Variants in CLHC1 observed in about 807,000 individuals in gnomAD.
CLHC1 encodes clathrin heavy chain linker domain-containing protein 1.
Under a neutral mutation model 69.5 loss-of-function variants are expected in CLHC1, and 72 were observed. The ratio of observed to expected loss-of-function variants is 1.04; its 90% confidence interval spans 0.86 to 1.26. The LOEUF (loss-of-function observed/expected upper bound fraction) is 1.26, where lower values mean the gene tolerates loss of function less well. Among genes scored for constraint, CLHC1 ranks in the 50% most tolerant of loss-of-function variants. The pLI, the probability that CLHC1 is intolerant of heterozygous loss-of-function variation, is 0.00. For synonymous variants in CLHC1, 223 were observed against 224.3 expected, an observed-to-expected ratio of 0.99 and a Z score of 0.05; for missense variants, 790 against 679.3, an observed-to-expected ratio of 1.16 and a Z score of -1.81.
chr2:55,173,608 T>G lies in CLHC1; in HGVS notation c.*2182A>C, dbSNP rs1669138462. ...TGGTCTAGAATGCAGGTTTCTGTGC[T>G]GAGGCCCAGATTATACCTCCTTCAG... is the stretch of plus-strand genomic sequence containing the variant. On this transcript the variant is annotated 3_prime_UTR_variant, in exon 13 of 13. Coordinates refer to ENST00000401408, the MANE Select transcript of CLHC1 (RefSeq NM_152385.4). Among the ~76,000 whole-genome samples, 1 of 152,230 alleles carries G rather than the reference T, an allele frequency of 6.6e-6. No homozygotes were observed. Among genetic ancestry groups the G allele is most frequent in the African/African-American group, 2.4e-5 (1 of 41,460 alleles).
intron 8 of CLHC1, among the ~76,000 whole-genome samples, chr2:55,208,011 G>A (rs1672611811): frequency 1.3e-5 from 2 of 152,132 alleles, no homozygotes; most frequent in South Asian, 4.1e-4. Context: ...GTATTAGGGA[G>A]AAATATGCCT....
At chr2:55,197,001 T>C (rs1451689831) in intron 9 of CLHC1, among the ~76,000 whole-genome samples, 2 of 152,124 alleles carry the variant, frequency 1.3e-5, no homozygotes, top group African/African-American at 4.8e-5. Flanking sequence ...CTGGTAGCAT[T>C]CACCACTAGC....
At chr2:55,182,106 G>T (rs571096305) in intron 9 of CLHC1, among the ~76,000 whole-genome samples, 1 of 151,908 alleles carries the variant, frequency 6.6e-6, no homozygotes, top group Admixed American at 6.6e-5. Context: ...AACTGTGAGC[G>T]AATATATTTT....
chr2:55,219,763 A>G (rs1673932281), intron 3 of CLHC1, among the ~76,000 whole-genome samples: 1 of 152,180 alleles, frequency 6.6e-6, no homozygotes, highest in Non-Finnish European at 1.5e-5. Flanking sequence ...TACCAGGTAC[A>G]GGGGTCTAAG....
chr2:55,208,779 A>G (rs748505433), intron 7 of CLHC1, 69 bp from the exon 8 acceptor site: 5 of 1,043,312 alleles, frequency 4.8e-6, no homozygotes, highest in Non-Finnish European at 7.5e-6. Context: ...ATAAACATAC[A>G]TGTGTTTAAT....
At chr2:55,180,824 A>C in intron 10 of CLHC1, 112 bp from the exon 11 acceptor site, 1 of 730,030 alleles carries the variant, frequency 1.4e-6, no homozygotes, top group Non-Finnish European at 2.3e-6. Context: ...TACCTGTAAG[A>C]ATTCCAAGTT....
At position 55,200,668 on chromosome 2, in the gene CLHC1, T is replaced by C. The variant is rs182811339; in HGVS notation, c.1006+5602A>G. Among the ~76,000 whole-genome samples, 928 of 152,266 alleles carry C rather than the reference T, an allele frequency of 6.1e-3. 2 individuals are homozygous for C. The highest frequency in any genetic ancestry group is 0.01 in the Non-Finnish European group (693 of 68,018). On this transcript the variant is annotated intron_variant, in intron 9 of 12. Transcript: ENST00000401408. ...GAATCATCAGACTTGATCTGCACTATAGACAAAATGGATCTAATAGATGTT... is the reference window on the plus strand; with the variant it reads ...GAATCATCAGACTTGATCTGCACTACAGACAAAATGGATCTAATAGATGTT...
intron 9 of CLHC1, among the ~76,000 whole-genome samples, chr2:55,196,447 G>C (rs537009409): frequency 2.5e-4 from 38 of 152,334 alleles, no homozygotes; most frequent in Non-Finnish European, 4.3e-4. Flanking sequence ...CACTTGAGGA[G>C]AGGAGATGGA....
At chr2:55,191,088 A>G (rs555321324) in intron 9 of CLHC1, among the ~76,000 whole-genome samples, 1 of 152,328 alleles carries the variant, frequency 6.6e-6, no homozygotes, top group East Asian at 1.9e-4. Context: ...TAACTACAGA[A>G]AAAGTCTATC....
chr2:55,210,416 G>C (rs1384437988), intron 5 of CLHC1, among the ~76,000 whole-genome samples: 2 of 151,440 alleles, frequency 1.3e-5, no homozygotes, highest in Non-Finnish European at 2.9e-5. Context: ...GGCTGGTCTT[G>C]AACTCCTGAC....
chr2:55,209,301 T>C, intron 7 of CLHC1, 103 bp downstream of exon 7: 1 of 681,870 alleles, frequency 1.5e-6, no homozygotes, highest in Non-Finnish European at 2.5e-6. Context: ...TGAAGTATGA[T>C]CTTGCTTTAT....
At chr2:55,199,046 C>T (rs1671691135) in intron 9 of CLHC1, among the ~76,000 whole-genome samples, 2 of 151,928 alleles carry the variant, frequency 1.3e-5, no homozygotes, top group South Asian at 4.2e-4. Flanking sequence ...CCTATAATCC[C>T]AGCACTTTGG....
At chr2:55,200,242 A>AG (rs1259214757) in intron 9 of CLHC1, among the ~76,000 whole-genome samples, 1 of 140,124 alleles carries the variant, frequency 7.1e-6, no homozygotes, top group Non-Finnish European at 1.5e-5. Flanking sequence ...AAAAAAAAAA[A>AG]AAACAGTGGC....
intron 2 of CLHC1, among the ~76,000 whole-genome samples, chr2:55,226,110 T>C (rs192536176): frequency 2.5e-4 from 38 of 150,644 alleles, no homozygotes; most frequent in African/African-American, 8.3e-4. Context: ...GAGAGTGGCG[T>C]GAACCCGGGA....
intron 2 of CLHC1, among the ~76,000 whole-genome samples, chr2:55,226,550 T>G (rs1354195341): frequency 6.6e-6 from 1 of 152,262 alleles, no homozygotes. Context: ...TAAATCGTTT[T>G]TTAAAACATG....
At chr2:55,194,144 AT>A (rs1261035722) in intron 9 of CLHC1, among the ~76,000 whole-genome samples, 17 of 152,186 alleles carry the variant, frequency 1.1e-4, no homozygotes, top group African/African-American at 3.9e-4. Context: ...TGAGGAGTTA[AT>A]GGGTACAAAG....
chr2:55,231,199 G>A (rs1383987614), intron 1 of CLHC1, among the ~76,000 whole-genome samples: 1 of 150,200 alleles, frequency 6.7e-6, no homozygotes, highest in African/African-American at 2.5e-5. Flanking sequence ...ACAGTGAGCC[G>A]AGACCGCGCC....
At chr2:55,229,804 T>A (rs1675088287) in intron 1 of CLHC1, among the ~76,000 whole-genome samples, 1 of 152,198 alleles carries the variant, frequency 6.6e-6, no homozygotes, top group Non-Finnish European at 1.5e-5. Context: ...CCAGGCATGG[T>A]GGCTCATGCC....
chr2:55,231,306 G>C (rs927951445), intron 1 of CLHC1, among the ~76,000 whole-genome samples: 3 of 151,548 alleles, frequency 2.0e-5, no homozygotes, highest in Admixed American at 2.0e-4. Context: ...CTTCAGAAAT[G>C]CCAAAACACG....
Sources: gnomAD v4.1 joint callset for allele counts (sites outside exome capture counted in the v4.1 genomes callset) on GRCh38, gnomAD v4.1.1 for gene constraint, MANE v1.5 for transcripts, NCBI Gene and HGNC (gene_info 2026-07-23, HGNC 2026-07-21) for gene names.